The following FRMD5 variants were observed in gnomAD, a reference collection of about 807,000 sequenced individuals.
FRMD5 encodes FERM domain containing 5.
FRMD5 carries 20 observed loss-of-function variants against 69.0 expected under a neutral mutation model. That is an observed-to-expected ratio of 0.29 (90% CI 0.20 to 0.42). FRMD5 has a LOEUF of 0.42. FRMD5 is among the 10% of genes least tolerant of loss of function. The pLI is 1.00. For synonymous variants in FRMD5, 271 were observed against 260.1 expected, an observed-to-expected ratio of 1.04 and a Z score of -0.40; for missense variants, 595 against 708.6, an observed-to-expected ratio of 0.84 and a Z score of 1.82.
rs192443139 is a variant in FRMD5, at chr15:44,038,967, T to C, written c.103-114658A>G. ...AATTCTTGCTGCTAGCACAGCAGTC[T>C]GAGGTCGACTTAGAATGCTCAAGCT... is the stretch of plus-strand genomic sequence containing the variant. On this transcript the variant is annotated intron_variant, in intron 1 of 13. Coordinates refer to ENST00000417257, the MANE Select transcript of FRMD5 (RefSeq NM_032892.5). Among the ~76,000 whole-genome samples, 4 of 152,306 alleles carry C rather than the reference T, an allele frequency of 2.6e-5. No homozygotes were observed. The East Asian group carries it at 5.8e-4, about 22-fold the overall frequency.
intron 1 of FRMD5, among the ~76,000 whole-genome samples, chr15:43,966,470 A>G (rs925575745): frequency 6.6e-6 from 1 of 152,172 alleles, no homozygotes; most frequent in Non-Finnish European, 1.5e-5. Flanking sequence ...AACAAGAATA[A>G]ACATAATATT....
chr15:44,126,773 C>G (rs1298078503), intron 1 of FRMD5, among the ~76,000 whole-genome samples: 1 of 152,156 alleles, frequency 6.6e-6, no homozygotes, highest in East Asian at 1.9e-4. Context: ...TCCTCCCACT[C>G]TCAGCTGACC....
At chr15:43,960,233 C>A (rs190182907) in intron 1 of FRMD5, among the ~76,000 whole-genome samples, 1 of 151,692 alleles carries the variant, frequency 6.6e-6, no homozygotes, top group Non-Finnish European at 1.5e-5. Context: ...GGACTACAGG[C>A]GCCCACCACC....
chr15:43,938,578 A>T (rs982667589), intron 1 of FRMD5, among the ~76,000 whole-genome samples: 1 of 152,246 alleles, frequency 6.6e-6, no homozygotes, highest in Non-Finnish European at 1.5e-5. Flanking sequence ...AGCTATGCAC[A>T]TATATACAGC....
At chr15:44,179,961 G>A (rs986968522) in intron 1 of FRMD5, among the ~76,000 whole-genome samples, 5 of 151,512 alleles carry the variant, frequency 3.3e-5, no homozygotes, top group African/African-American at 1.2e-4. Context: ...ATCATTTGAG[G>A]CCAGGAGTTC....
chr15:43,882,248 TTCTC>T (rs1435019424), intron 13 of FRMD5, among the ~76,000 whole-genome samples: 1 of 152,164 alleles, frequency 6.6e-6, no homozygotes, highest in Non-Finnish European at 1.5e-5. Context: ...TACGTAGAAT[TTCTC>T]TCTCTTCCCA....
At chr15:44,100,344 A>G (rs923766969) in intron 1 of FRMD5, among the ~76,000 whole-genome samples, 2 of 152,022 alleles carry the variant, frequency 1.3e-5, no homozygotes, top group African/African-American at 2.4e-5. Context: ...GGCATGAGCC[A>G]TCGTGCCAGG....
chr15:44,128,375 G>A (rs1353370071), intron 1 of FRMD5, among the ~76,000 whole-genome samples: 1 of 152,212 alleles, frequency 6.6e-6, no homozygotes, highest in South Asian at 2.1e-4. Context: ...AGCTGCTGGG[G>A]AGACTGAGGC....
chr15:43,955,037 TC>T (rs1405147489), intron 1 of FRMD5, among the ~76,000 whole-genome samples: 2 of 152,370 alleles, frequency 1.3e-5, no homozygotes, highest in Admixed American at 6.5e-5. Flanking sequence ...GAAAAAAATG[TC>T]ATTTTACTGT....
chr15:44,189,123 C>T (rs935822209), intron 1 of FRMD5, among the ~76,000 whole-genome samples: 4 of 152,104 alleles, frequency 2.6e-5, no homozygotes, highest in South Asian at 2.1e-4. Context: ...TTTAGTCTAA[C>T]GGTAGCAGGC....
rs1310553838 is a variant in FRMD5 at position 44,017,056 on chromosome 15, T to C, written c.103-92747A>G. On this transcript the variant is annotated intron_variant, in intron 1 of 13. Coordinates refer to ENST00000417257, the MANE Select transcript of FRMD5 (RefSeq NM_032892.5). The stretch of plus-strand genomic sequence containing the variant: ...AAGTGCTGAGATTAAAAGCATGAAC[T>C]GGCCGGGTGCGGTGGCTCACACCTG... Among the ~76,000 whole-genome samples, 3 of 151,696 alleles carry C rather than the reference T, an allele frequency of 2.0e-5. No individual in the cohort carries two copies. In the East Asian group the frequency reaches 5.9e-4, roughly 30 times the overall value.
rs577462298 is a variant in FRMD5 at position 43,899,934 on chromosome 15, T to C, written c.639+2241A>G. On this transcript the variant is annotated intron_variant, in intron 7 of 13. Transcript: ENST00000417257. The stretch of plus-strand genomic sequence containing the variant: ...ATCCCTTTCCCCGCTCTAGTCAGTG[T>C]AGTGCTCGGGCTCACTGTCTGCCCA... Among the ~76,000 whole-genome samples the C allele has an allele frequency of 9.2e-5, 14 of 152,300 alleles. No homozygotes were observed. In the South Asian group the frequency reaches 2.9e-3, roughly 32 times the overall value.
At chr15:44,055,642 C>G (rs1472710157) in intron 1 of FRMD5, among the ~76,000 whole-genome samples, 2 of 152,150 alleles carry the variant, frequency 1.3e-5, no homozygotes. Context: ...AAAAATAACT[C>G]TTCAGGAAAG....
intron 4 of FRMD5, among the ~76,000 whole-genome samples, chr15:43,912,347 T>C (rs984617249): frequency 1.3e-5 from 2 of 152,136 alleles, no homozygotes; most frequent in Non-Finnish European, 2.9e-5. Flanking sequence ...AAGATGGATC[T>C]ACCAAATCAA....
chr15:44,015,036 CA>C (rs1250151558), intron 1 of FRMD5, among the ~76,000 whole-genome samples: 1 of 151,478 alleles, frequency 6.6e-6, no homozygotes, highest in Non-Finnish European at 1.5e-5. Context: ...TTTTTCACCC[CA>C]AAAGAAAAGA....
At chr15:44,191,938 A>ATATATATATATATATCTATC (rs2078203726) in intron 1 of FRMD5, among the ~76,000 whole-genome samples, 1 of 125,880 alleles carries the variant, frequency 7.9e-6, no homozygotes, top group African/African-American at 3.0e-5. Context: ...ATATATATAT[A>ATATATATATATATATCTATC]TATGTATCTC....
chr15:43,936,909 C>T (rs554785884), intron 1 of FRMD5, among the ~76,000 whole-genome samples: 5 of 151,966 alleles, frequency 3.3e-5, no homozygotes, highest in African/African-American at 7.2e-5. Context: ...CCAGGAAGAT[C>T]GCTAACTGGG....
chr15:44,147,083 T>C (rs867062763), intron 1 of FRMD5, among the ~76,000 whole-genome samples: 4 of 152,210 alleles, frequency 2.6e-5, no homozygotes, highest in African/African-American at 9.6e-5. Flanking sequence ...TCCTGAATGG[T>C]ATTGCCTAGA....
At chr15:44,150,510 T>C (rs1440188501) in intron 1 of FRMD5, among the ~76,000 whole-genome samples, 1 of 151,796 alleles carries the variant, frequency 6.6e-6, no homozygotes, top group African/African-American at 2.4e-5. Flanking sequence ...CTGGGTGTGA[T>C]GGCTGACTCC....
Sources: allele counts gnomAD v4.1 joint callset (sites outside exome capture counted in the v4.1 genomes callset), GRCh38; gene constraint gnomAD v4.1.1; transcripts MANE v1.5; gene names NCBI Gene and HGNC (gene_info 2026-07-23, HGNC 2026-07-21).